AKAP19: variants seen among roughly 807,000 people sequenced by gnomAD.
AKAP19 encodes small A-kinase anchoring protein.
chr2:190,004,068 T>C, the AKAP19 span, among the ~76,000 whole-genome samples: 3 of 151,082 alleles, frequency 2.0e-5, no homozygotes, highest in Non-Finnish European at 2.9e-5. Context: ...GCCTGGATTA[T>C]TGCAATGACA....
At chr2:190,038,907 C>CTTTCTTTCT in the AKAP19 span, among the ~76,000 whole-genome samples, 51 of 75,918 alleles carry the variant, frequency 6.7e-4, no homozygotes, top group African/African-American at 2.7e-3. Flanking sequence ...TTTCTTTCTT[C>CTTTCTTTCT]TTCTTCTTCT....
the AKAP19 span, among the ~76,000 whole-genome samples, chr2:190,178,770 A>T: frequency 1.3e-5 from 2 of 152,188 alleles, no homozygotes; most frequent in Non-Finnish European, 2.9e-5. The surrounding 1 kb of genome is among the most constrained non-coding windows in gnomAD (Gnocchi z 6.3). Flanking sequence ...TTCTCTTCTG[A>T]TGGAGGCCAG....
At chr2:190,144,814 T>A in the AKAP19 span, among the ~76,000 whole-genome samples, 4 of 151,774 alleles carry the variant, frequency 2.6e-5, no homozygotes, top group African/African-American at 9.7e-5. Context: ...TCATCTCTAT[T>A]AAAAATACAA....
chr2:189,988,304 T>G, the AKAP19 span, among the ~76,000 whole-genome samples: 1 of 152,208 alleles, frequency 6.6e-6, no homozygotes, highest in African/African-American at 2.4e-5. Flanking sequence ...ATGTAGTTAC[T>G]GGCATACAAA....
the AKAP19 span, among the ~76,000 whole-genome samples, chr2:189,933,105 A>G: frequency 6.6e-6 from 1 of 152,216 alleles, no homozygotes; most frequent in Non-Finnish European, 1.5e-5. Flanking sequence ...AGATTTGAGA[A>G]AAAACTTATA....
the AKAP19 span, among the ~76,000 whole-genome samples, chr2:190,004,698 G>A: frequency 6.6e-6 from 1 of 151,104 alleles, no homozygotes; most frequent in African/African-American, 2.4e-5. Context: ...TTGCCCTCCC[G>A]ACCTCCCTTG....
the AKAP19 span, chr2:190,150,453 A>G: frequency 2.6e-5 from 4 of 152,180 alleles, no homozygotes; most frequent in Admixed American, 2.6e-4. Flanking sequence ...CTCCAGGTGA[A>G]GTCAGAAATT....
the AKAP19 span, among the ~76,000 whole-genome samples, chr2:189,978,093 A>G: frequency 6.6e-6 from 1 of 152,322 alleles, no homozygotes; most frequent in South Asian, 2.1e-4. Flanking sequence ...AGCATATTAA[A>G]TGCATTTAAA....
the AKAP19 span, among the ~76,000 whole-genome samples, chr2:189,883,515 T>TTTC: frequency 6.6e-6 from 1 of 151,456 alleles, no homozygotes; most frequent in Non-Finnish European, 1.5e-5. Flanking sequence ...CTGTTTTTTT[T>TTTC]TTTTTTTTTT....
the AKAP19 span, among the ~76,000 whole-genome samples, chr2:190,167,415 G>A: frequency 8.5e-5 from 13 of 152,140 alleles, no homozygotes; most frequent in South Asian, 1.7e-3. Context: ...ATTCTGCCCC[G>A]GCCCCTCCAA....
the AKAP19 span, among the ~76,000 whole-genome samples, chr2:189,972,795 G>C: frequency 1.1e-4 from 17 of 152,230 alleles, no homozygotes; most frequent in African/African-American, 4.1e-4. Flanking sequence ...TCTGTTATTG[G>C]TGTATAAGAA....
the AKAP19 span, among the ~76,000 whole-genome samples, chr2:190,009,529 TGA>T: frequency 1.3e-5 from 2 of 152,192 alleles, no homozygotes; most frequent in African/African-American, 4.8e-5. Context: ...TGCTATCAAC[TGA>T]GATGGCAAAG....
At chr2:190,171,152 G>A in the AKAP19 span, among the ~76,000 whole-genome samples, 2 of 151,892 alleles carry the variant, frequency 1.3e-5, no homozygotes, top group Non-Finnish European at 2.9e-5. Flanking sequence ...TTCATATAGA[G>A]CATGGGTTAT....
At chr2:190,195,624 T>C in the AKAP19 span, among the ~76,000 whole-genome samples, 1 of 152,246 alleles carries the variant, frequency 6.6e-6, no homozygotes, top group South Asian at 2.1e-4. Context: ...ATTTGTATTG[T>C]TGACTTTTAA....
At chr2:190,102,038 C>T in the AKAP19 span, among the ~76,000 whole-genome samples, 14 of 152,196 alleles carry the variant, frequency 9.2e-5, no homozygotes, top group South Asian at 2.5e-3. Context: ...GAAATCAATA[C>T]AAAGAAGATC....
chr2:190,030,100 T>C, the AKAP19 span, among the ~76,000 whole-genome samples: 24 of 152,174 alleles, frequency 1.6e-4, no homozygotes, highest in African/African-American at 5.3e-4. Context: ...TATATGTACA[T>C]ATCAGATAAG....
the AKAP19 span, among the ~76,000 whole-genome samples, chr2:190,010,372 G>A: frequency 6.6e-6 from 1 of 152,140 alleles, no homozygotes; most frequent in Non-Finnish European, 1.5e-5. Context: ...ATGCAGAGGA[G>A]GTGCTATGAC....
At chr2:190,195,450 A>G in the AKAP19 span, among the ~76,000 whole-genome samples, 3 of 152,224 alleles carry the variant, frequency 2.0e-5, no homozygotes, top group Admixed American at 1.3e-4. Flanking sequence ...ACAGTGAATG[A>G]GAGTTCTGTT....
chr2:190,060,139 C>T, the AKAP19 span: 3 of 1,612,752 alleles, frequency 1.9e-6, no homozygotes, highest in East Asian at 2.2e-5. Flanking sequence ...ATTTCAATGC[C>T]TAAGTTGGAT....
Sources: allele counts gnomAD v4.1 joint callset (sites outside exome capture counted in the v4.1 genomes callset), GRCh38; gene constraint gnomAD v4.1.1; non-coding constraint Gnocchi (gnomAD v3.1); transcripts MANE v1.5; gene names NCBI Gene and HGNC (gene_info 2026-07-23, HGNC 2026-07-21).